DLG1: variants seen among roughly 807,000 people sequenced by gnomAD.
The protein encoded by DLG1 is disks large homolog 1.
Under a neutral mutation model 123.4 loss-of-function variants are expected in DLG1, and 42 were observed. The observed-to-expected ratio is 0.34, with a 90% CI of 0.27 to 0.44. The LOEUF (loss-of-function observed/expected upper bound fraction) is 0.44. Among genes scored for constraint, DLG1 ranks in the 20% least tolerant of loss-of-function variants. DLG1 has a pLI of 1.00. For synonymous variants in DLG1, 317 were observed against 356.2 expected (o/e 0.89, Z 1.24); for missense variants, 942 against 1,082.6 (o/e 0.87, Z 1.82).
At chr3:197,234,503 A>G (rs1209602531) in intron 4 of DLG1, among the ~76,000 whole-genome samples, 1 of 152,240 alleles carries the variant, frequency 6.6e-6, no homozygotes, top group Non-Finnish European at 1.5e-5. Context: ...AAATGATGAT[A>G]TATTCCTGTT....
intron 10 of DLG1, among the ~76,000 whole-genome samples, chr3:197,131,699 T>C (rs970946661): frequency 7.7e-5 from 11 of 142,680 alleles, no homozygotes; most frequent in Non-Finnish European, 1.5e-4. Flanking sequence ...GTTCACGCCA[T>C]TCTCCTGCCT....
intron 10 of DLG1, among the ~76,000 whole-genome samples, chr3:197,135,360 G>A (rs1052656468): frequency 6.6e-6 from 1 of 152,172 alleles, no homozygotes; most frequent in African/African-American, 2.4e-5. Context: ...TCTCTTGATA[G>A]TGAGTGAGTC....
chr3:197,127,169 T>C (rs1238114586), intron 11 of DLG1, among the ~76,000 whole-genome samples: 1 of 151,746 alleles, frequency 6.6e-6, no homozygotes, highest in Non-Finnish European at 1.5e-5. Context: ...ACGCCTGTAA[T>C]CCCAGCACTT....
rs780565170 is a variant in DLG1, at chr3:197,140,128, C to T, written c.713+12G>A. 3.2e-5 allele frequency: 51 copies of T among 1,610,234 alleles called. No individual in the cohort carries two copies. The highest frequency in any genetic ancestry group is 3.7e-5 in the Non-Finnish European group (43 of 1,177,984). ...GTGGATTCAGCATCACAATAAAAAG[C>T]GCAAAACATACCGCAATCTTCCATC... On this transcript the variant is annotated intron_variant, in intron 8 of 24. Transcript: ENST00000667157.
intron 19 of DLG1, among the ~76,000 whole-genome samples, chr3:197,069,006 ATATTTT>A (rs1741655085): frequency 8.1e-6 from 1 of 122,970 alleles, no homozygotes; most frequent in African/African-American, 2.7e-5. Flanking sequence ...TACACAAATA[ATATTTT>A]TATTTTATTA....
chr3:197,161,648 T>C (rs377176801), intron 5 of DLG1: 15 of 1,504,488 alleles, frequency 1.0e-5, no homozygotes, highest in South Asian at 2.8e-5. Flanking sequence ...ACCTGTGGTA[T>C]GGTGGGTAGG....
chr3:197,164,752 A>G (rs533934069), intron 5 of DLG1, among the ~76,000 whole-genome samples: 56 of 151,230 alleles, frequency 3.7e-4, no homozygotes, highest in African/African-American at 1.2e-3. Context: ...AAAAAAAAAA[A>G]AAAGAAAAAA....
intron 5 of DLG1, among the ~76,000 whole-genome samples, chr3:197,166,438 T>C (rs1221358036): frequency 6.6e-6 from 1 of 152,164 alleles, no homozygotes. Context: ...TTTCAATATA[T>C]ATAGATAAAT....
intron 24 of DLG1, among the ~76,000 whole-genome samples, chr3:197,045,683 G>A (rs147289244): frequency 2.6e-5 from 4 of 152,312 alleles, no homozygotes; most frequent in Non-Finnish European, 4.4e-5. Flanking sequence ...GTTCACAACT[G>A]CAGTGAGCTA....
intron 22 of DLG1, among the ~76,000 whole-genome samples, chr3:197,062,160 A>G (rs1024436666): frequency 5.9e-5 from 9 of 152,224 alleles, no homozygotes; most frequent in African/African-American, 2.2e-4. Flanking sequence ...TAAATTGAAA[A>G]TGCATTTAAT....
chr3:197,051,997 C>T (rs1028612223), intron 23 of DLG1, among the ~76,000 whole-genome samples: 4 of 151,756 alleles, frequency 2.6e-5, no homozygotes, highest in East Asian at 2.0e-4. Flanking sequence ...TGCGCCACCA[C>T]GCCTGGCTAA....
At chr3:197,240,391 G>C (rs1748231780) in intron 4 of DLG1, among the ~76,000 whole-genome samples, 1 of 152,154 alleles carries the variant, frequency 6.6e-6, no homozygotes, top group Non-Finnish European at 1.5e-5. Flanking sequence ...CTAAAAAGGA[G>C]GCAGCAACCT....
At chr3:197,104,287 CTTCAG>C (rs1180563819) in intron 14 of DLG1, among the ~76,000 whole-genome samples, 2 of 152,012 alleles carry the variant, frequency 1.3e-5, no homozygotes, top group African/African-American at 4.8e-5. Context: ...AAAGCTATGT[CTTCAG>C]TTACAGAACA....
chr3:197,045,607 GGT>G (rs1437423946), intron 24 of DLG1, among the ~76,000 whole-genome samples: 5 of 151,864 alleles, frequency 3.3e-5, no homozygotes, highest in Non-Finnish European at 7.4e-5. Context: ...TGGGCATGGT[GGT>G]GTGTGTCTGT....
intron 6 of DLG1, among the ~76,000 whole-genome samples, chr3:197,144,130 G>C (rs963852241): frequency 3.3e-5 from 5 of 152,134 alleles, no homozygotes; most frequent in African/African-American, 1.2e-4. Context: ...ACCATCAAAA[G>C]GAGTCTCTTT....
chr3:197,076,238 C>T (rs1040934173), intron 18 of DLG1, among the ~76,000 whole-genome samples: 1 of 152,192 alleles, frequency 6.6e-6, no homozygotes, highest in Non-Finnish European at 1.5e-5. Flanking sequence ...TAGAAATCAA[C>T]AGGTAGCTTC....
chr3:197,195,829 C>CT, intron 4 of DLG1, among the ~76,000 whole-genome samples: 1 of 151,742 alleles, frequency 6.6e-6, no homozygotes, highest in South Asian at 2.1e-4. Flanking sequence ...CTCAGTGACA[C>CT]CAATTTACCC....
intron 10 of DLG1, among the ~76,000 whole-genome samples, chr3:197,131,529 G>A (rs1429790063): frequency 2.7e-5 from 4 of 148,766 alleles, no homozygotes; most frequent in African/African-American, 9.9e-5. Flanking sequence ...AGGTTCCTAG[G>A]ATAGTCTATA....
chr3:197,241,458 T>TA (rs1444083876), intron 4 of DLG1, among the ~76,000 whole-genome samples: 1 of 151,778 alleles, frequency 6.6e-6, no homozygotes, highest in African/African-American at 2.4e-5. Context: ...TAAAACAAAC[T>TA]AAAAAAACAT....
Sources: allele counts gnomAD v4.1 joint callset (sites outside exome capture counted in the v4.1 genomes callset), GRCh38; gene constraint gnomAD v4.1.1; transcripts MANE v1.5; gene names NCBI Gene and HGNC (gene_info 2026-07-23, HGNC 2026-07-21).